SLC43A2: variants seen among roughly 807,000 people sequenced by gnomAD.
The protein encoded by SLC43A2 is large neutral amino acids transporter small subunit 4.
SLC43A2 carries 38 observed loss-of-function variants against 63.2 expected under a neutral mutation model. The ratio of observed to expected loss-of-function variants is 0.60; its 90% CI spans 0.46 to 0.79. The LOEUF is 0.79. SLC43A2 is among the 30% of genes least tolerant of loss of function. The pLI is 0.00. For missense variants in SLC43A2, 644 were observed against 756.2 expected (o/e 0.85, Z 1.74); for synonymous variants, 322 against 331.0 (o/e 0.97, Z 0.30).
At position 1,605,689 on chromosome 17, in the gene SLC43A2, G is replaced by A. The variant is rs1217388034; in HGVS notation, c.501+7506C>T. Among the ~76,000 whole-genome samples, 5 of 152,138 alleles carry A rather than the reference G, an allele frequency of 3.3e-5. No individual in the cohort carries two copies. Among genetic ancestry groups the A allele is most frequent in the South Asian group, 2.1e-4 (1 of 4,832 alleles). On this transcript the variant is annotated intron_variant, in intron 5 of 13. Coordinates refer to ENST00000301335, the MANE Select transcript of SLC43A2 (RefSeq NM_152346.3). This position sits in a 1 kb window ranked among gnomAD's most constrained non-coding sequence, Gnocchi z 4.9. ...GGAGCCTTGTCCCCAAGTGGCTGGA[G>A]TACACACCCAGAGTTCTGTACAACC...
rs373628250 is a variant in SLC43A2 at position 1,622,521 on chromosome 17, C to T, written c.160+5194G>A. On this transcript the variant is annotated intron_variant, in intron 2 of 13. Transcript: ENST00000301335. The stretch of plus-strand genomic sequence containing the variant: ...CGGAGGTTGCGGTGAGCCGAGATCG[C>T]GCCACTGCACTCCAGCCTGGGCGAC... 7.9e-4 allele frequency among the ~76,000 whole-genome samples: 119 copies of T among 149,694 alleles called. 2 individuals carry two copies. The East Asian group carries it at 0.01, about 13-fold the overall frequency.
In SLC43A2 at chr17:1,575,428, G is replaced by A. The variant is rs2075907955; in HGVS notation, c.*176C>T. The stretch of plus-strand genomic sequence containing the variant: ...TCGGCAGGAGAAAACGCGCGTGTCC[G>A]GGGCCCTCTCCCGTCCTTCCACCAC... On this transcript the variant is annotated 3_prime_UTR_variant, in exon 14 of 14. Transcript: ENST00000301335. The A allele has an allele frequency of 5.0e-6, 4 of 801,496 alleles. No individual in the cohort carries two copies. Among genetic ancestry groups the A allele is most frequent in the Admixed American group, 2.7e-5 (1 of 37,202 alleles). 49.6% of individuals were successfully genotyped at this position (801,496 alleles called of 1,614,324 possible). A position where few individuals can be genotyped will look rare whatever the true frequency, so the allele number is the denominator to read the frequency against.
chr17:1,584,673 A>G (rs1013847112), intron 10 of SLC43A2, among the ~76,000 whole-genome samples: 1 of 146,704 alleles, frequency 6.8e-6, no homozygotes, highest in African/African-American at 2.5e-5. Flanking sequence ...TAAAAAAATT[A>G]GCCGGGCGTG....
rs553254311 is a variant in SLC43A2 at position 1,577,299 on chromosome 17, G to A, written c.1425-579C>T. 4.6e-5 allele frequency among the ~76,000 whole-genome samples: 7 copies of A among 152,338 alleles called. No individual in the cohort carries two copies. The highest frequency in any genetic ancestry group is 1.9e-4 in the East Asian group (1 of 5,190). On this transcript the variant is annotated intron_variant, in intron 12 of 13. Transcript: ENST00000301335. This position sits in a 1 kb window ranked among gnomAD's most constrained non-coding sequence, Gnocchi z 4.9. ...GCCGAGTGGAAAGCGTGGTGCCAGCGGGGACCTGCGGTTTGGGAAACAGGC... is the reference window on the plus strand; with the variant it reads ...GCCGAGTGGAAAGCGTGGTGCCAGCAGGGACCTGCGGTTTGGGAAACAGGC...
At chr17:1,595,412 T>C (rs555494551) in intron 5 of SLC43A2, among the ~76,000 whole-genome samples, 22 of 151,462 alleles carry the variant, frequency 1.5e-4, no homozygotes, top group Non-Finnish European at 2.7e-4. Context: ...CCCAAGTCAC[T>C]GGGACAACAG....
At chr17:1,629,393 C>G (rs1288509497), upstream of SLC43A2, among the ~76,000 whole-genome samples, 1 of 152,136 alleles carries the variant, frequency 6.6e-6, no homozygotes, top group African/African-American at 2.4e-5. Context: ...GCTCCCCCGC[C>G]CCGGTGGTTC....
At chr17:1,594,998 G>A (rs558542459) in intron 5 of SLC43A2, among the ~76,000 whole-genome samples, 63 of 152,098 alleles carry the variant, frequency 4.1e-4, no homozygotes, top group Non-Finnish European at 2.9e-4. Context: ...ACAACATGGC[G>A]AAACCCTGCC....
chr17:1,594,631 A>G (rs11869773), intron 5 of SLC43A2, among the ~76,000 whole-genome samples: 126,494 of 133,530 alleles, frequency 0.95, 60,034 homozygotes, highest in South Asian at 0.99. Flanking sequence ...TCTTTCGCCC[A>G]GGCTGTACTG....
chr17:1,590,711 C>T (rs1299325403), intron 9 of SLC43A2, 91 bp downstream of exon 9: 2 of 1,495,202 alleles, frequency 1.3e-6, no homozygotes, highest in Non-Finnish European at 1.8e-6. Flanking sequence ...GCCCGGCTGG[C>T]CCGGCTCAGC....
In SLC43A2 at chr17:1,604,853, C is replaced by T. The variant is rs1358442420; in HGVS notation, c.501+8342G>A. ...ATCCTGACATCTGGGTCACTCCCCACATTCCCCCTCTCGCTCACTCCGTCC... is the reference window on the plus strand; with the variant it reads ...ATCCTGACATCTGGGTCACTCCCCATATTCCCCCTCTCGCTCACTCCGTCC... On this transcript the variant is annotated intron_variant, in intron 5 of 13. Transcript: ENST00000301335. 6 of 1,535,616 alleles carry T rather than the reference C, an allele frequency of 3.9e-6. No homozygotes were observed. In the African/African-American group the frequency reaches 4.1e-5, roughly 11 times the overall value.
chr17:1,576,866 T>A, intron 12 of SLC43A2, 146 bp from the exon 13 acceptor site: 1 of 775,580 alleles, frequency 1.3e-6, no homozygotes, highest in Non-Finnish European at 1.8e-6. Context: ...CAGTTCTGTT[T>A]TTTTTTTTTT....
chr17:1,578,956 A>G lies in SLC43A2; in HGVS notation c.1351-633T>C, dbSNP rs1259491107. On this transcript the variant is annotated intron_variant, in intron 11 of 13. Transcript: ENST00000301335. This position sits in a 1 kb window ranked among gnomAD's most constrained non-coding sequence, Gnocchi z 6.5. ...GGAGTTCGAAACCAGCCTGGCCAACATGGCGAAACCCTGTCTTTACTAAAA... is the reference window on the plus strand; with the variant it reads ...GGAGTTCGAAACCAGCCTGGCCAACGTGGCGAAACCCTGTCTTTACTAAAA... Among the ~76,000 whole-genome samples, 1 of 152,064 alleles carries G rather than the reference A, an allele frequency of 6.6e-6. No individual in the cohort carries two copies. Among genetic ancestry groups the G allele is most frequent in the Non-Finnish European group, 1.5e-5 (1 of 67,992 alleles).
chr17:1,600,815 C>G (rs1274915293), intron 5 of SLC43A2, among the ~76,000 whole-genome samples: 1 of 151,632 alleles, frequency 6.6e-6, no homozygotes, highest in Non-Finnish European at 1.5e-5. Context: ...ACCTCAGCCT[C>G]TCAAAGTGTT....
chr17:1,588,987 T>C (rs1010401247), intron 9 of SLC43A2, among the ~76,000 whole-genome samples: 1 of 151,742 alleles, frequency 6.6e-6, no homozygotes, highest in Non-Finnish European at 1.5e-5. Context: ...AGCTCACGAG[T>C]GTGCGGAAAG....
At chr17:1,579,845 A>C (rs1431545332) in intron 11 of SLC43A2, among the ~76,000 whole-genome samples, 3 of 152,136 alleles carry the variant, frequency 2.0e-5, no homozygotes, top group Non-Finnish European at 4.4e-5. Flanking sequence ...CTCAAAAAAA[A>C]ACAAAATGAA....
At chr17:1,584,179 C>G (rs2076064917) in intron 10 of SLC43A2, among the ~76,000 whole-genome samples, 1 of 152,044 alleles carries the variant, frequency 6.6e-6, no homozygotes, top group Admixed American at 6.6e-5. Flanking sequence ...AGGTGTGAGC[C>G]ACCGCGCCCG....
chr17:1,604,892 C>T, intron 5 of SLC43A2: 4 of 1,534,848 alleles, frequency 2.6e-6, no homozygotes, highest in Non-Finnish European at 3.5e-6. Context: ...GCTTCCCTGC[C>T]TCCACCGGTC....
In SLC43A2 at chr17:1,586,065, C is replaced by G; in HGVS notation, c.1079-14G>C. 2 of 1,572,088 alleles carry G rather than the reference C, an allele frequency of 1.3e-6. No homozygotes were observed. The highest frequency in any genetic ancestry group is 1.7e-6 in the Non-Finnish European group (2 of 1,158,770). The stretch of plus-strand genomic sequence containing the variant: ...TGTAGAGGCCAACTGTGGAGGAAGG[C>G]GCTGCGTCATGGGGACGCCTGGCAG... On this transcript the variant is annotated splice_polypyrimidine_tract_variant and intron_variant, in intron 9 of 13. Transcript: ENST00000301335.
chr17:1,593,191 A>G lies in SLC43A2; in HGVS notation c.590T>C (p.Ile197Thr), dbSNP rs748591465. Residue 197 changes from isoleucine to threonine, a missense_variant, in exon 6 of 14, where the codon ATC (isoleucine) becomes ACC (threonine). Coordinates refer to ENST00000301335, the MANE Select transcript of SLC43A2 (RefSeq NM_152346.3). The surrounding 1 kb of genome is among the most constrained non-coding windows in gnomAD (Gnocchi z 5.3). ...YASSAVTFPG[I>T]KLIYDAGVSF... ...GTGCAAAATACACGTGCTCACCTTGATTCCTGGAAAGGTGACTGCCGAGGA... is the reference window on the plus strand; with the variant it reads ...GTGCAAAATACACGTGCTCACCTTGGTTCCTGGAAAGGTGACTGCCGAGGA... The G allele has an allele frequency of 2.5e-5, 41 of 1,613,630 alleles. No individual in the cohort carries two copies. Among genetic ancestry groups the G allele is most frequent in the Non-Finnish European group, 3.5e-5 (41 of 1,179,770 alleles).
Sources: gnomAD v4.1 joint callset for allele counts (sites outside exome capture counted in the v4.1 genomes callset) on GRCh38, gnomAD v4.1.1 for gene constraint, Gnocchi (gnomAD v3.1) non-coding constraint, MANE v1.5 for transcripts, NCBI Gene and HGNC (gene_info 2026-07-23, HGNC 2026-07-21) for gene names.